MICU3: variants seen among roughly 807,000 people sequenced by gnomAD.
MICU3 encodes calcium uptake protein 3, mitochondrial.
A neutral mutation model predicts 66.5 loss-of-function variants in MICU3; 62 were observed. The observed-to-expected ratio is 0.93, with a 90% CI of 0.76 to 1.15. The LOEUF (loss-of-function observed/expected upper bound fraction) is 1.15. Among genes scored for constraint, MICU3 ranks in the 50% most tolerant of loss-of-function variants. The pLI is 0.00. For synonymous variants in MICU3, 308 were observed against 240.7 expected (o/e 1.28, Z -2.59); for missense variants, 779 against 664.4 (o/e 1.17, Z -1.90).
At chr8:17,114,975 C>T (rs1802545685) in intron 12 of MICU3, among the ~76,000 whole-genome samples, 3 of 151,680 alleles carry the variant, frequency 2.0e-5, no homozygotes, top group South Asian at 4.2e-4. Context: ...AAAAATTAGC[C>T]GGGCGTAGTG....
chr8:17,115,716 T>G (rs1354036182), intron 12 of MICU3, among the ~76,000 whole-genome samples: 1 of 152,176 alleles, frequency 6.6e-6, no homozygotes, highest in Non-Finnish European at 1.5e-5. Context: ...CTATGACACA[T>G]CTGCAATGGA....
chr8:17,107,785 C>T (rs993196801), intron 11 of MICU3, among the ~76,000 whole-genome samples: 2 of 152,156 alleles, frequency 1.3e-5, no homozygotes, highest in African/African-American at 2.4e-5. Flanking sequence ...GCATGATGCT[C>T]ATTCAGCAAA....
intron 4 of MICU3, among the ~76,000 whole-genome samples, chr8:17,080,464 A>G (rs1381557961): frequency 6.6e-6 from 1 of 152,154 alleles, no homozygotes; most frequent in Non-Finnish European, 1.5e-5. Context: ...CAGGTCAACT[A>G]GAACAACAGT....
At chr8:17,130,764 G>T in the MICU3 span, among the ~76,000 whole-genome samples, 1 of 151,936 alleles carries the variant, frequency 6.6e-6, no homozygotes, top group Non-Finnish European at 1.5e-5. Context: ...CATAACGCAG[G>T]AAAGGAGGAA....
the MICU3 span, among the ~76,000 whole-genome samples, chr8:17,130,251 G>A: frequency 2.6e-5 from 4 of 152,116 alleles, no homozygotes; most frequent in South Asian, 2.1e-4. Flanking sequence ...GAGACTAGGC[G>A]CGGTGGCTCA....
chr8:17,037,960 C>G (rs1813331090), intron 1 of MICU3, among the ~76,000 whole-genome samples: 1 of 152,108 alleles, frequency 6.6e-6, no homozygotes, highest in Non-Finnish European at 1.5e-5. Flanking sequence ...TACAGTTTCT[C>G]CCATTTGGAA....
chr8:17,045,385 G>A (rs893111292), intron 1 of MICU3, among the ~76,000 whole-genome samples: 3 of 152,182 alleles, frequency 2.0e-5, no homozygotes, highest in African/African-American at 7.2e-5. Context: ...GCTGCACAGA[G>A]AGGTCAAGAA....
At chr8:17,098,841 T>A (rs1007604038) in intron 9 of MICU3, among the ~76,000 whole-genome samples, 1 of 151,736 alleles carries the variant, frequency 6.6e-6, no homozygotes, top group Non-Finnish European at 1.5e-5. Flanking sequence ...CAATTTACCA[T>A]GTTACATGAA....
chr8:17,072,148 A>T (rs913450681), intron 3 of MICU3, among the ~76,000 whole-genome samples: 3 of 152,146 alleles, frequency 2.0e-5, no homozygotes, highest in African/African-American at 7.2e-5. Flanking sequence ...ACATATCAAG[A>T]TTAGAAATAG....
intron 1 of MICU3, among the ~76,000 whole-genome samples, chr8:17,063,458 G>A (rs553875344): frequency 6.6e-6 from 1 of 152,006 alleles, no homozygotes; most frequent in African/African-American, 2.4e-5. Flanking sequence ...AATTGCTCTA[G>A]TTACTTCAGA....
At chr8:17,035,142 C>T (rs1236945749) in intron 1 of MICU3, among the ~76,000 whole-genome samples, 1 of 152,194 alleles carries the variant, frequency 6.6e-6, no homozygotes, top group Non-Finnish European at 1.5e-5. Flanking sequence ...GCTCCTCTTT[C>T]ACCTTTCGCC....
At chr8:17,128,769 T>C in the MICU3 span, among the ~76,000 whole-genome samples, 1 of 151,892 alleles carries the variant, frequency 6.6e-6, no homozygotes, top group Non-Finnish European at 1.5e-5. Context: ...CAAAAAAGAG[T>C]TGCATGGGAT....
chr8:17,039,413 A>T (rs1354655784), intron 1 of MICU3, among the ~76,000 whole-genome samples: 1 of 152,236 alleles, frequency 6.6e-6, no homozygotes, highest in African/African-American at 2.4e-5. Context: ...TATGTGGAAT[A>T]GCATTGTTGT....
intron 1 of MICU3, among the ~76,000 whole-genome samples, chr8:17,038,988 A>C (rs191907216): frequency 4.0e-5 from 6 of 151,772 alleles, no homozygotes; most frequent in African/African-American, 9.6e-5. Flanking sequence ...ATAAATAAAT[A>C]AAAATAAGAA....
intron 2 of MICU3, among the ~76,000 whole-genome samples, chr8:17,067,974 C>T (rs1237854962): frequency 6.6e-6 from 1 of 151,984 alleles, no homozygotes; most frequent in Non-Finnish European, 1.5e-5. Context: ...TAAATAGAAC[C>T]TAAATGGTGA....
intron 4 of MICU3, among the ~76,000 whole-genome samples, chr8:17,081,429 T>TA (rs1289383334): frequency 6.6e-6 from 1 of 152,144 alleles, no homozygotes; most frequent in South Asian, 2.1e-4. Flanking sequence ...GTTTAAAAGT[T>TA]ACTGCTATAC....
At chr8:17,094,194 A>G (rs370752138) in intron 8 of MICU3, among the ~76,000 whole-genome samples, 57 of 151,974 alleles carry the variant, frequency 3.8e-4, no homozygotes, top group African/African-American at 1.3e-3. Flanking sequence ...ACCCAACGTC[A>G]TGATTGCCAG....
intron 12 of MICU3, among the ~76,000 whole-genome samples, chr8:17,116,083 G>A (rs1268082617): frequency 6.6e-6 from 1 of 152,140 alleles, no homozygotes; most frequent in Non-Finnish European, 1.5e-5. Context: ...GGTAGTTTTT[G>A]TGTGGCCCCT....
intron 2 of MICU3, among the ~76,000 whole-genome samples, chr8:17,065,859 G>C (rs914300991): frequency 1.3e-5 from 2 of 152,138 alleles, no homozygotes; most frequent in African/African-American, 4.8e-5. Context: ...AAAGGTAGCT[G>C]TAATGGAATT....
Sources: allele counts gnomAD v4.1 joint callset (sites outside exome capture counted in the v4.1 genomes callset), GRCh38; gene constraint gnomAD v4.1.1; transcripts MANE v1.5; gene names NCBI Gene and HGNC (gene_info 2026-07-23, HGNC 2026-07-21).